TATDN1: variants seen among roughly 807,000 people sequenced by gnomAD.
TATDN1 encodes deoxyribonuclease TATDN1.
TATDN1 carries 40 observed loss-of-function variants against 46.4 expected under a neutral mutation model. The observed-to-expected ratio is 0.86, with a 90% CI of 0.67 to 1.12. TATDN1 has a LOEUF of 1.12. Ranked by LOEUF, TATDN1 falls within the 50% of genes most tolerant of loss-of-function variation. TATDN1 has a pLI of 0.00. For synonymous variants in TATDN1, 95 were observed against 105.6 expected (o/e 0.90, Z 0.62); for missense variants, 326 against 348.4 (o/e 0.94, Z 0.51).
At chr8:124,517,912 T>C (rs1463859799) in intron 4 of TATDN1, among the ~76,000 whole-genome samples, 3 of 152,020 alleles carry the variant, frequency 2.0e-5, no homozygotes, top group Non-Finnish European at 4.4e-5. Context: ...GAATTCCACA[T>C]CAAAAACACC....
chr8:124,528,282 C>T lies in TATDN1; in HGVS notation c.23-5280G>A, dbSNP rs1257646432. On this transcript the variant is annotated intron_variant, in intron 1 of 11. Coordinates refer to ENST00000276692, the MANE Select transcript of TATDN1 (RefSeq NM_032026.4). ...TCCACCTCCCAGGTTCACGCCATTC[C>T]CCTGCCTCGGCCTCCCAAGTAGCTG... 3.3e-5 allele frequency among the ~76,000 whole-genome samples: 5 copies of T among 152,192 alleles called. No homozygotes were observed. The East Asian group carries it at 9.7e-4, about 29-fold the overall frequency.
intron 10 of TATDN1, 105 bp from the exon 11 acceptor site, chr8:124,494,064 T>G: frequency 9.0e-7 from 1 of 1,110,042 alleles, no homozygotes. Flanking sequence ...TGATTCAGCT[T>G]CCAAAATGGC....
chr8:124,520,805 T>A (rs1021073722), intron 3 of TATDN1, among the ~76,000 whole-genome samples: 1 of 151,510 alleles, frequency 6.6e-6, no homozygotes, highest in Non-Finnish European at 1.5e-5. Context: ...TAGCCGGGTG[T>A]GGTGGCGGGC....
intron 5 of TATDN1, 31 bp downstream of exon 5, chr8:124,515,856 T>A: frequency 6.2e-7 from 1 of 1,613,674 alleles, no homozygotes; most frequent in Non-Finnish European, 8.5e-7. Flanking sequence ...TTTCAAACAA[T>A]GTCACTCTAA....
rs967541358 is a variant in TATDN1 at position 124,518,124 on chromosome 8, A to C, written c.202+694T>G. ...CTACATGGGAGGCTGAGGCAGGAGA[A>C]TGGCATGAACCAGGGAGGTGGCGCG... On this transcript the variant is annotated intron_variant, in intron 4 of 11. Coordinates refer to ENST00000276692, the MANE Select transcript of TATDN1 (RefSeq NM_032026.4). Among the ~76,000 whole-genome samples, 4 of 147,448 alleles carry C rather than the reference A, an allele frequency of 2.7e-5. No individual in the cohort carries two copies. The Admixed American group carries it at 2.7e-4, about 10-fold the overall frequency.
chr8:124,515,703 T>A, intron 6 of TATDN1, 43 bp downstream of exon 6: 1 of 1,555,148 alleles, frequency 6.4e-7, no homozygotes, highest in African/African-American at 1.4e-5. Context: ...TAAAAATCAC[T>A]CATGATTTTA....
chr8:124,522,271 G>A (rs1428884637), intron 2 of TATDN1, 71 bp from the exon 3 acceptor site: 2 of 865,194 alleles, frequency 2.3e-6, no homozygotes, highest in South Asian at 1.5e-5. Flanking sequence ...TAGCTTCTGT[G>A]CAAATGGCTA....
At chr8:124,510,441 A>G (rs1049758412) in intron 6 of TATDN1, among the ~76,000 whole-genome samples, 2 of 152,220 alleles carry the variant, frequency 1.3e-5, no homozygotes, top group Non-Finnish European at 2.9e-5. Context: ...GGACCAAACC[A>G]CATGACCAAG....
intron 1 of TATDN1, among the ~76,000 whole-genome samples, chr8:124,531,420 G>C (rs376786552): frequency 2.6e-5 from 4 of 152,122 alleles, no homozygotes; most frequent in African/African-American, 9.7e-5. Context: ...CAGAGGACTG[G>C]GGGTAATAGG....
At chr8:124,507,859 T>C (rs1818645927) in intron 8 of TATDN1, among the ~76,000 whole-genome samples, 1 of 151,988 alleles carries the variant, frequency 6.6e-6, no homozygotes, top group African/African-American at 2.4e-5. Flanking sequence ...AATGGAATTC[T>C]GTACGCATTC....
At chr8:124,495,013 C>T (rs536709799) in intron 10 of TATDN1, 42 of 159,604 alleles carry the variant, frequency 2.6e-4, no homozygotes, top group Non-Finnish European at 4.1e-4. Flanking sequence ...TGAGCCACCG[C>T]GCCCGGCCTC....
At chr8:124,505,326 T>C (rs1818319514) in intron 8 of TATDN1, among the ~76,000 whole-genome samples, 1 of 151,414 alleles carries the variant, frequency 6.6e-6, no homozygotes, top group Non-Finnish European at 1.5e-5. Flanking sequence ...GGAGGTTGCG[T>C]TGAGCTGAGA....
At chr8:124,501,756 G>C (rs895719065) in intron 9 of TATDN1, among the ~76,000 whole-genome samples, 1 of 151,846 alleles carries the variant, frequency 6.6e-6, no homozygotes, top group Non-Finnish European at 1.5e-5. Flanking sequence ...GAACAGAAGA[G>C]AAAAATCAAA....
At position 124,499,835 on chromosome 8, in the gene TATDN1, C is replaced by T. The variant is rs183472136; in HGVS notation, c.594-4293G>A. 9.8e-5 allele frequency among the ~76,000 whole-genome samples: 14 copies of T among 142,656 alleles called. No individual in the cohort carries two copies. The South Asian group carries it at 1.4e-3, about 14-fold the overall frequency. 93.6% of individuals were successfully genotyped at this position (142,656 alleles called of 152,430 possible). A position where few individuals can be genotyped will look rare whatever the true frequency, so the allele number is the denominator to read the frequency against. ...CTGGGATTACAGGTGTGAGTCACTG[C>T]GCCCGGCCCCCATGTTCTTTTTTTT... is the stretch of plus-strand genomic sequence containing the variant. On this transcript the variant is annotated intron_variant, in intron 9 of 11. Coordinates refer to ENST00000276692, the MANE Select transcript of TATDN1 (RefSeq NM_032026.4).
At chr8:124,531,616 G>A (rs1198242594) in intron 1 of TATDN1, among the ~76,000 whole-genome samples, 4 of 152,192 alleles carry the variant, frequency 2.6e-5, no homozygotes, top group Admixed American at 1.3e-4. Flanking sequence ...CTACCTCAAT[G>A]AGAATACATC....
At chr8:124,491,394 T>A (rs1449325899) in intron 11 of TATDN1, 1 of 152,318 alleles carries the variant, frequency 6.6e-6, no homozygotes, top group East Asian at 1.9e-4. Flanking sequence ...TTGTTTGTCT[T>A]TCTCTGGCCT....
intron 9 of TATDN1, among the ~76,000 whole-genome samples, chr8:124,500,559 T>C (rs920245766): frequency 2.0e-4 from 30 of 151,900 alleles, no homozygotes; most frequent in African/African-American, 7.3e-4. Flanking sequence ...GTACAGACAT[T>C]AGCCAAGCAT....
intron 8 of TATDN1, chr8:124,504,574 C>A: frequency 3.0e-6 from 1 of 329,146 alleles, no homozygotes; most frequent in Non-Finnish European, 5.5e-6. Context: ...CCGAGAATTT[C>A]TCTCTTTAGA....
intron 11 of TATDN1, 136 bp from the exon 12 acceptor site, chr8:124,488,832 T>TC: frequency 1.6e-6 from 1 of 629,410 alleles, no homozygotes; most frequent in Non-Finnish European, 2.8e-6. Context: ...ATTAAGTTTT[T>TC]CAGCAATATC....
Sources: gnomAD v4.1 joint callset for allele counts (sites outside exome capture counted in the v4.1 genomes callset) on GRCh38, gnomAD v4.1.1 for gene constraint, MANE v1.5 for transcripts, NCBI Gene and HGNC (gene_info 2026-07-23, HGNC 2026-07-21) for gene names.